Variants in NLE1 observed in about 807,000 individuals in gnomAD.
NLE1 encodes the protein notchless homolog 1.
Under a neutral mutation model 62.8 loss-of-function variants are expected in NLE1, and 37 were observed. The ratio of observed to expected loss-of-function variants is 0.59; its 90% CI spans 0.45 to 0.78. The LOEUF is 0.78. NLE1 is among the 30% of genes least tolerant of loss of function. The pLI is 0.00. For synonymous variants in NLE1, 243 were observed against 253.0 expected (o/e 0.96, Z 0.37); for missense variants, 555 against 637.9 (o/e 0.87, Z 1.40).
intron 3 of NLE1, 89 bp from the exon 4 acceptor site, chr17:35,139,403 A>G: frequency 1.9e-6 from 2 of 1,076,004 alleles, no homozygotes; most frequent in South Asian, 2.6e-5. Flanking sequence ...ATGGAACTGG[A>G]CTCTTTCCTC....
At position 35,129,295 on chromosome 17, in the gene NLE1, C is replaced by A. The variant is rs2091861961; in HGVS notation, c.*3142G>T. 8.8e-6 allele frequency: 11 copies of A among 1,251,136 alleles called. No individual in the cohort carries two copies. The highest frequency in any genetic ancestry group is 1.2e-5 in the Non-Finnish European group (11 of 893,704). The allele number at this position is 1,251,136 out of a possible 1,614,324, so 77.5% of individuals were successfully genotyped here. ...TGCTGCAGTACCTTGCACCTTCCAT[C>A]TGACCTGCCTGGGCCCCAGCAGGAG... On this transcript the variant is annotated 3_prime_UTR_variant, in exon 13 of 13. Coordinates refer to ENST00000442241, the MANE Select transcript of NLE1 (RefSeq NM_018096.5).
rs149380490 is a variant in NLE1, at chr17:35,130,371, C to T, written c.*2066G>A. On this transcript the variant is annotated 3_prime_UTR_variant, in exon 13 of 13. Transcript: ENST00000442241. ...GGCGCAAGGAACCCCGGCAAAAGAT[C>T]GTGTCCATCGGGCCGGAGGAGATGC... is the stretch of plus-strand genomic sequence containing the variant. 4.2e-5 allele frequency: 68 copies of T among 1,613,992 alleles called. No homozygotes were observed. In the African/African-American group the frequency reaches 7.5e-4, roughly 18 times the overall value.
At position 35,129,683 on chromosome 17, in the gene NLE1, T is replaced by C. The variant is rs755982403; in HGVS notation, c.*2754A>G. 2 of 1,607,940 alleles carry C rather than the reference T, an allele frequency of 1.2e-6. No individual in the cohort carries two copies. The highest frequency in any genetic ancestry group is 2.2e-5 in the South Asian group (2 of 90,356). On this transcript the variant is annotated 3_prime_UTR_variant, in exon 13 of 13. Transcript: ENST00000442241. ...AGTGAGCCCTGGGAAAAGAGGGGCC[T>C]TGGGGGTGGAGAGAAGTCCAAAGCC...
Position 35,130,526 on chromosome 17 carries a change from A to T in NLE1, c.*1911T>A. 1 of 1,360,700 alleles carries T rather than the reference A, an allele frequency of 7.3e-7. No homozygotes were observed. Among genetic ancestry groups the T allele is most frequent in the Non-Finnish European group, 1.0e-6 (1 of 993,072 alleles). 84.3% of individuals were successfully genotyped at this position (1,360,700 alleles called of 1,614,324 possible). ...CCATGAGACCTACCATACCACCAGC[A>T]CCCTGCGGGCCCGGGGTCTGGCAGA... On this transcript the variant is annotated 3_prime_UTR_variant, in exon 13 of 13. Coordinates refer to ENST00000442241, the MANE Select transcript of NLE1 (RefSeq NM_018096.5).
chr17:35,133,327 G>A lies in NLE1; in HGVS notation c.1374+12C>T. The A allele has an allele frequency of 6.2e-7, 1 of 1,614,200 alleles. No homozygotes were observed. Among genetic ancestry groups the A allele is most frequent in the Non-Finnish European group, 8.5e-7 (1 of 1,180,024 alleles). On this transcript the variant is annotated intron_variant, in intron 11 of 12. Coordinates refer to ENST00000442241, the MANE Select transcript of NLE1 (RefSeq NM_018096.5). ...AATCCCAGTCCCTCCTTTGCCTGAGGGTTGGCCCTACCTCATCCGCGTGGC... is the reference window on the plus strand; with the variant it reads ...AATCCCAGTCCCTCCTTTGCCTGAGAGTTGGCCCTACCTCATCCGCGTGGC...
chr17:35,132,569 A>T, intron 12 of NLE1, 120 bp from the exon 13 acceptor site: 2 of 890,214 alleles, frequency 2.2e-6, no homozygotes, highest in Non-Finnish European at 3.1e-6. Context: ...ACCAAGAGCC[A>T]GGTGACCGTC....
rs1246574550 is a variant in NLE1, at chr17:35,130,455, CCCT to C, written c.*1979_*1981del. The stretch of plus-strand genomic sequence containing the variant: ...GTTAAGGGGGAGGGCCCCAGGACAC[CCCT>C]CACCTACTTTCAGCTTCAACCCCAG... On this transcript the variant is annotated 3_prime_UTR_variant, in exon 13 of 13. Coordinates refer to ENST00000442241, the MANE Select transcript of NLE1 (RefSeq NM_018096.5). 6.2e-7 allele frequency: 1 copy of C among 1,608,168 alleles called. No homozygotes were observed. Among genetic ancestry groups the C allele is most frequent in the Non-Finnish European group, 8.5e-7 (1 of 1,177,134 alleles).
intron 10 of NLE1, chr17:35,134,921 G>C (rs900907799): frequency 4.8e-6 from 2 of 414,508 alleles, no homozygotes; most frequent in African/African-American, 4.2e-5. Context: ...GCACGGTGGC[G>C]GAGGCCTGTA....
rs1399570581 is a variant in NLE1 at position 35,133,604 on chromosome 17, G to A, written c.1215-106C>T. The A allele has an allele frequency of 2.8e-6, 3 of 1,058,248 alleles. No homozygotes were observed. The African/African-American group carries it at 4.8e-5, about 17-fold the overall frequency. 65.6% of individuals were successfully genotyped at this position (1,058,248 alleles called of 1,614,324 possible). On this transcript the variant is annotated intron_variant, in intron 10 of 12. Transcript: ENST00000442241. ...CAGTGGTTCTCAACCTCGGCTGTCT[G>A]TTAGAAATACCTGGGAACCTTTACA...
At chr17:35,135,176 G>A in intron 10 of NLE1, 73 bp downstream of exon 10, 9 of 1,418,256 alleles carry the variant, frequency 6.3e-6, no homozygotes, top group Non-Finnish European at 9.0e-6. Context: ...AGGCCATACA[G>A]CTAGTAAGTG....
chr17:35,133,231 A>G lies in NLE1; in HGVS notation c.1385T>C (p.Val462Ala). 1 of 1,614,190 alleles carries G rather than the reference A, an allele frequency of 6.2e-7. No individual in the cohort carries two copies. The highest frequency in any genetic ancestry group is 8.5e-7 in the Non-Finnish European group (1 of 1,180,042). ...LPGHADEVYA[V>A]DWSPDGQRVA... Reference sequence around the variant, plus strand: ...TCTCTGGCCATCTGGACTCCAGTCAACAGCATATACCTAAAGGGAGGCAGA... The same window carrying G: ...TCTCTGGCCATCTGGACTCCAGTCAGCAGCATATACCTAAAGGGAGGCAGA... The change falls in exon 12 of 13, where the codon GTT becomes GCT. Residue 462 changes from valine (V) to alanine (A), a missense_variant. Transcript: ENST00000442241.
chr17:35,141,933 T>A, intron 2 of NLE1, 46 bp downstream of exon 2: 1 of 1,532,896 alleles, frequency 6.5e-7, no homozygotes, highest in Non-Finnish European at 8.8e-7. Context: ...CCCCACCGCA[T>A]CCGCCCGGGG....
intron 9 of NLE1, 85 bp downstream of exon 9, chr17:35,136,084 G>C: frequency 1.4e-6 from 2 of 1,390,966 alleles, no homozygotes; most frequent in South Asian, 1.2e-5. Context: ...GCTGGGTCTA[G>C]AAGGGAGAAG....
In NLE1 at chr17:35,129,411, T is replaced by C. The variant is rs1307766372; in HGVS notation, c.*3026A>G. ...TATCTGAGGAAGCCTCGGGGCTCTCTCTTCCCCTAGATTTCCTGGACCTAC... is the reference window on the plus strand; with the variant it reads ...TATCTGAGGAAGCCTCGGGGCTCTCCCTTCCCCTAGATTTCCTGGACCTAC... On this transcript the variant is annotated 3_prime_UTR_variant, in exon 13 of 13. Coordinates refer to ENST00000442241, the MANE Select transcript of NLE1 (RefSeq NM_018096.5). The C allele has an allele frequency of 6.2e-7, 1 of 1,612,220 alleles. No individual in the cohort carries two copies. The highest frequency in any genetic ancestry group is 8.5e-7 in the Non-Finnish European group (1 of 1,178,584).
intron 7 of NLE1, 68 bp from the exon 8 acceptor site, chr17:35,136,565 A>G: frequency 6.5e-7 from 1 of 1,547,648 alleles, no homozygotes; most frequent in South Asian, 1.2e-5. Context: ...GCCCCAGGAG[A>G]CAGGTGGTAC....
Position 35,132,409 on chromosome 17 carries a change from T to C in NLE1, c.*28A>G. The C allele has an allele frequency of 6.9e-7, 1 of 1,445,304 alleles. No homozygotes were observed. The highest frequency in any genetic ancestry group is 9.1e-7 in the Non-Finnish European group (1 of 1,095,210). The allele number at this position is 1,445,304 out of a possible 1,614,324, so 89.5% of individuals were successfully genotyped here. ...GCAGCTGGCAGAGGCCGAGTCGAGG[T>C]GGGGGTCAGAGAGAACTTCGGGCCG... On this transcript the variant is annotated 3_prime_UTR_variant, in exon 13 of 13. Coordinates refer to ENST00000442241, the MANE Select transcript of NLE1 (RefSeq NM_018096.5).
chr17:35,130,353 G>A lies in NLE1; in HGVS notation c.*2084C>T. 1 of 1,614,146 alleles carries A rather than the reference G, an allele frequency of 6.2e-7. No homozygotes were observed. Among genetic ancestry groups the A allele is most frequent in the South Asian group, 1.1e-5 (1 of 91,088 alleles). ...CCATCCAGATCACCGTGCGGCGCAAGGAACCCCGGCAAAAGATCGTGTCCA... is the reference window on the plus strand; with the variant it reads ...CCATCCAGATCACCGTGCGGCGCAAAGAACCCCGGCAAAAGATCGTGTCCA... On this transcript the variant is annotated 3_prime_UTR_variant, in exon 13 of 13. Coordinates refer to ENST00000442241, the MANE Select transcript of NLE1 (RefSeq NM_018096.5).
At chr17:35,133,020 C>T (rs1190454951) in intron 12 of NLE1, 151 bp downstream of exon 12, 3 of 753,252 alleles carry the variant, frequency 4.0e-6, no homozygotes, top group African/African-American at 1.7e-5. Flanking sequence ...TCCCACTTGC[C>T]CACTGAGAAT....
In NLE1 at chr17:35,140,099, C is replaced by T. The variant is rs368931017; in HGVS notation, c.163-33G>A. 1.8e-5 allele frequency: 29 copies of T among 1,603,734 alleles called. 1 individual carries two copies. In the African/African-American group the frequency reaches 2.0e-4, roughly 11 times the overall value. ...ACAATGGTAAAGGACAAACCCGCAA[C>T]AATGGATGTGCAGGGGCACCCTCTG... is the stretch of plus-strand genomic sequence containing the variant. On this transcript the variant is annotated intron_variant, in intron 2 of 12. Transcript: ENST00000442241.
Sources: gnomAD v4.1 joint callset for allele counts on GRCh38, gnomAD v4.1.1 for gene constraint, MANE v1.5 for transcripts, NCBI Gene and HGNC (gene_info 2026-07-23, HGNC 2026-07-21) for gene names.